MRTFA: variants seen among roughly 807,000 people sequenced by gnomAD.
MRTFA encodes myocardin related transcription factor A, also known as myocardin-related transcription factor A.
In MRTFA, 20 loss-of-function variants were observed where a neutral mutation model predicts 83.5. The observed-to-expected ratio is 0.24, with a 90% CI of 0.17 to 0.35. MRTFA has a LOEUF of 0.35. MRTFA is among the 10% of genes least tolerant of loss of function. The probability of loss-of-function intolerance (pLI) is 1.00; values close to 1 mark genes in which losing one functional copy is unlikely to be tolerated. For missense variants in MRTFA, 1,200 were observed against 1,224.7 expected, an observed-to-expected ratio of 0.98 and a Z score of 0.30; for synonymous variants, 659 against 541.2, an observed-to-expected ratio of 1.22 and a Z score of -3.02.
In MRTFA at chr22:40,439,504, CAAAAAAA is replaced by C. The variant is rs756033541; in HGVS notation, c.308-3957_308-3951del. Among the ~76,000 whole-genome samples the C allele has an allele frequency of 7.2e-3, 230 of 32,128 alleles. 1 individual carries two copies. The South Asian group carries it at 0.096, about 13-fold the overall frequency. 21.1% of individuals were successfully genotyped at this position (32,128 alleles called of 152,430 possible). Reference sequence around the variant, plus strand: ...TGGGTGACAGAGCAAGACTCTGTCTCAAAAAAAAAAAAAAAAAAAAAAAAAAGAGACA... The same window carrying C: ...TGGGTGACAGAGCAAGACTCTGTCTCAAAAAAAAAAAAAAAAAAAGAGACA... On this transcript the variant is annotated intron_variant, in intron 4 of 14. Coordinates refer to ENST00000355630, the MANE Select transcript of MRTFA (RefSeq NM_020831.6).
intron 1 of MRTFA, among the ~76,000 whole-genome samples, chr22:40,628,615 A>T (rs2056606628): frequency 6.6e-6 from 1 of 152,152 alleles, no homozygotes; most frequent in Admixed American, 6.6e-5. Flanking sequence ...AGTGGGGAGC[A>T]AATGAACCAA....
chr22:40,498,267 A>ATTTTTTTTT (rs2054391853), intron 3 of MRTFA, among the ~76,000 whole-genome samples: 1 of 89,184 alleles, frequency 1.1e-5, no homozygotes, highest in African/African-American at 5.1e-5. Flanking sequence ...ATATATATAT[A>ATTTTTTTTT]TATATATTTT....
intron 3 of MRTFA, among the ~76,000 whole-genome samples, chr22:40,549,859 C>T (rs9623183): frequency 6.6e-6 from 1 of 152,076 alleles, no homozygotes; most frequent in Non-Finnish European, 1.5e-5. Context: ...TGAGATCAGC[C>T]TGGTCAACAT....
At chr22:40,570,684 G>A (rs1016667894) in intron 2 of MRTFA, among the ~76,000 whole-genome samples, 1 of 150,362 alleles carries the variant, frequency 6.7e-6, no homozygotes, top group Non-Finnish European at 1.5e-5. Flanking sequence ...AGTACAAGCA[G>A]CAAACTTAAG....
intron 4 of MRTFA, among the ~76,000 whole-genome samples, chr22:40,452,805 CAAAAAAAAAAAAAAAAAAAAATGA>C: frequency 1.6e-5 from 1 of 62,670 alleles, no homozygotes; most frequent in East Asian, 4.5e-4. Context: ...CACTCCGTCT[CAAAAAAAAAAAAAAAAAAAAATGA>C]TGACGACTAC....
chr22:40,429,486 TA>T, intron 7 of MRTFA, 119 bp downstream of exon 7: 1 of 1,201,034 alleles, frequency 8.3e-7, no homozygotes. Context: ...CTCCCAAGGC[TA>T]AGCAGGAAGT....
intron 3 of MRTFA, among the ~76,000 whole-genome samples, chr22:40,531,905 G>T (rs2055088338): frequency 6.6e-6 from 1 of 152,194 alleles, no homozygotes; most frequent in Non-Finnish European, 1.5e-5. Flanking sequence ...AGGTACTGGA[G>T]ATATCAGTTT....
intron 1 of MRTFA, among the ~76,000 whole-genome samples, chr22:40,622,051 T>C (rs962205939): frequency 2.6e-5 from 4 of 152,120 alleles, no homozygotes; most frequent in Non-Finnish European, 5.9e-5. Flanking sequence ...ATTTTGCCTG[T>C]GGAACAGACG....
At chr22:40,515,974 A>T (rs780363162) in intron 3 of MRTFA, among the ~76,000 whole-genome samples, 11 of 152,156 alleles carry the variant, frequency 7.2e-5, no homozygotes, top group Non-Finnish European at 1.5e-4. Flanking sequence ...CATCCAAACT[A>T]CCTACCTTAG....
At position 40,623,513 on chromosome 22, in the gene MRTFA, G is replaced by C. The variant is rs1178963967; in HGVS notation, c.-84+12965C>G. ...CTGTCCTTTAAGCCAAGGGAGGACA[G>C]AATCAGGAAAGGGGTGTTCATTCAT... On this transcript the variant is annotated intron_variant, in intron 1 of 14. Coordinates refer to ENST00000355630, the MANE Select transcript of MRTFA (RefSeq NM_020831.6). Among the ~76,000 whole-genome samples the C allele has an allele frequency of 1.7e-4, 26 of 150,778 alleles. No individual in the cohort carries two copies. The East Asian group carries it at 5.1e-3, about 29-fold the overall frequency.
intron 3 of MRTFA, among the ~76,000 whole-genome samples, chr22:40,524,440 G>A (rs921979995): frequency 6.6e-6 from 1 of 152,202 alleles, no homozygotes; most frequent in African/African-American, 2.4e-5. Context: ...ACTTCTGAGA[G>A]GTTCAGCAAA....
Position 40,475,466 on chromosome 22 carries a change from G to T in MRTFA, c.242-12180C>A, listed in dbSNP as rs529930800. On this transcript the variant is annotated intron_variant, in intron 3 of 14. Transcript: ENST00000355630. ...GCAGGAGAATGGCTTGAATCTGGGAGGCGGAGGTTGCAGTGAGCCGAAATT... is the reference window on the plus strand; with the variant it reads ...GCAGGAGAATGGCTTGAATCTGGGATGCGGAGGTTGCAGTGAGCCGAAATT... 3.3e-5 allele frequency among the ~76,000 whole-genome samples: 5 copies of T among 152,162 alleles called. No individual in the cohort carries two copies. The South Asian group carries it at 8.3e-4, about 25-fold the overall frequency.
At position 40,414,533 on chromosome 22, in the gene MRTFA, G is replaced by C. The variant is rs2147056927; in HGVS notation, c.2578+2453C>G. ...GTGGTGAATCCACACTACAGGGTAT[G>C]ATTCAGCCTTTAAAAAGAGTGAAAT... On this transcript the variant is annotated intron_variant, in intron 14 of 14. Transcript: ENST00000355630. Among the ~76,000 whole-genome samples, 2 of 152,292 alleles carry C rather than the reference G, an allele frequency of 1.3e-5. 1 individual carries two copies. The highest frequency in any genetic ancestry group is 4.2e-4 in the South Asian group (2 of 4,818).
At chr22:40,635,266 T>C (rs965313549) in intron 1 of MRTFA, among the ~76,000 whole-genome samples, 1 of 152,176 alleles carries the variant, frequency 6.6e-6, no homozygotes, top group Non-Finnish European at 1.5e-5. Flanking sequence ...TTTTCAACAG[T>C]AAAACTGCGT....
At chr22:40,586,904 TGC>T in intron 2 of MRTFA, 1 of 329,058 alleles carries the variant, frequency 3.0e-6, no homozygotes. Context: ...GTGCTGCTGG[TGC>T]TGCTGGTGCT....
At chr22:40,604,964 C>G (rs2056302168) in intron 1 of MRTFA, among the ~76,000 whole-genome samples, 1 of 152,104 alleles carries the variant, frequency 6.6e-6, no homozygotes, top group South Asian at 2.1e-4. Flanking sequence ...TATGACCTAT[C>G]AGGAAAAGCT....
At chr22:40,591,042 G>A (rs551697876) in intron 2 of MRTFA, among the ~76,000 whole-genome samples, 3 of 152,112 alleles carry the variant, frequency 2.0e-5, no homozygotes, top group Non-Finnish European at 4.4e-5. Flanking sequence ...GGCTGAGGCA[G>A]GAGAATTGCT....
intron 2 of MRTFA, among the ~76,000 whole-genome samples, chr22:40,590,543 T>C (rs2056104946): frequency 6.6e-6 from 1 of 151,784 alleles, no homozygotes; most frequent in Non-Finnish European, 1.5e-5. Context: ...GGCACACACC[T>C]GTAATCCCAG....
At chr22:40,479,371 C>G (rs2054050849) in intron 3 of MRTFA, among the ~76,000 whole-genome samples, 1 of 152,108 alleles carries the variant, frequency 6.6e-6, no homozygotes, top group Non-Finnish European at 1.5e-5. Context: ...GTAAATCAGA[C>G]ACCACCTCCT....
Sources: allele counts gnomAD v4.1 joint callset (sites outside exome capture counted in the v4.1 genomes callset), GRCh38; gene constraint gnomAD v4.1.1; transcripts MANE v1.5; gene names NCBI Gene and HGNC (gene_info 2026-07-23, HGNC 2026-07-21).